Variants in CDH18 observed in about 807,000 individuals in gnomAD.
The protein encoded by CDH18 is cadherin 18, also known as cadherin-18.
A neutral mutation model predicts 67.9 loss-of-function variants in CDH18; 31 were observed. That is an observed-to-expected ratio of 0.46 (90% CI 0.34 to 0.62). CDH18 has a LOEUF of 0.62. Among genes scored for constraint, CDH18 ranks in the 20% least tolerant of loss-of-function variants. The pLI is 0.01. For synonymous variants in CDH18, 362 were observed against 347.2 expected (o/e 1.04, Z -0.48); for missense variants, 890 against 975.5 (o/e 0.91, Z 1.17).
At chr5:20,404,299 T>C (rs1746034888) in intron 1 of CDH18, among the ~76,000 whole-genome samples, 1 of 152,198 alleles carries the variant, frequency 6.6e-6, no homozygotes, top group Admixed American at 6.5e-5. Context: ...CACTTTTTAT[T>C]TTCCTTCAAG....
intron 1 of CDH18, among the ~76,000 whole-genome samples, chr5:20,390,622 C>G (rs1057192186): frequency 6.6e-6 from 1 of 152,100 alleles, no homozygotes; most frequent in Non-Finnish European, 1.5e-5. Context: ...TTTGACCCAG[C>G]CATCCCATTA....
intron 4 of CDH18, among the ~76,000 whole-genome samples, 192 bp from the exon 5 acceptor site, chr5:19,721,658 T>A (rs1766120729): frequency 6.6e-6 from 1 of 152,058 alleles, no homozygotes; most frequent in Admixed American, 6.6e-5. Flanking sequence ...TGAAAGAGAG[T>A]CTAAAATATA....
intron 2 of CDH18, among the ~76,000 whole-genome samples, chr5:19,855,714 T>C (rs893058025): frequency 1.3e-5 from 2 of 152,112 alleles, no homozygotes; most frequent in African/African-American, 4.8e-5. Flanking sequence ...GTAGTAATGG[T>C]TTAATAATTA....
intron 11 of CDH18, among the ~76,000 whole-genome samples, chr5:19,492,053 C>T (rs1741562543): frequency 6.6e-6 from 1 of 151,644 alleles, no homozygotes; most frequent in South Asian, 2.1e-4. Context: ...GTAGATATTC[C>T]TGATAGCAAA....
chr5:19,647,543 A>C (rs1754953034), intron 5 of CDH18, among the ~76,000 whole-genome samples: 1 of 148,906 alleles, frequency 6.7e-6, no homozygotes, highest in Non-Finnish European at 1.5e-5. Context: ...AAAAAAAAAA[A>C]AAAAAAAAAA....
At chr5:20,321,113 C>T (rs2150006785) in intron 1 of CDH18, among the ~76,000 whole-genome samples, 2 of 152,248 alleles carry the variant, frequency 1.3e-5, no homozygotes, top group East Asian at 1.9e-4. Flanking sequence ...GATTTCATAG[C>T]TCTGCAAACT....
intron 1 of CDH18, among the ~76,000 whole-genome samples, chr5:20,567,598 G>A (rs1758585977): frequency 6.6e-6 from 1 of 152,108 alleles, no homozygotes; most frequent in South Asian, 2.1e-4. Context: ...ATAAGGTCAG[G>A]CTGACAAGGG....
At chr5:20,360,864 C>T (rs1419361560) in intron 1 of CDH18, among the ~76,000 whole-genome samples, 1 of 151,972 alleles carries the variant, frequency 6.6e-6, no homozygotes. Flanking sequence ...ATGACACTTG[C>T]AAAGATATGA....
chr5:20,313,955 T>A (rs932692853), intron 1 of CDH18, among the ~76,000 whole-genome samples: 1 of 152,004 alleles, frequency 6.6e-6, no homozygotes, highest in Non-Finnish European at 1.5e-5. Context: ...TGACAGGCAC[T>A]CTGATGTATC....
chr5:19,507,148 G>T (rs1442152052), intron 10 of CDH18, among the ~76,000 whole-genome samples: 1 of 152,148 alleles, frequency 6.6e-6, no homozygotes, highest in Non-Finnish European at 1.5e-5. Context: ...AAAGACACAT[G>T]AAAAAATGCT....
chr5:20,148,551 G>C (rs1380058752), intron 2 of CDH18, among the ~76,000 whole-genome samples: 3 of 152,090 alleles, frequency 2.0e-5, no homozygotes, highest in Admixed American at 6.6e-5. Context: ...ACTGAGATTG[G>C]ATTCTTGTAT....
intron 1 of CDH18, among the ~76,000 whole-genome samples, chr5:20,564,795 T>C (rs1295725574): frequency 1.3e-5 from 2 of 152,170 alleles, no homozygotes; most frequent in Non-Finnish European, 2.9e-5. Flanking sequence ...GGGTCAGAGA[T>C]CTAACAGAAA....
At chr5:19,750,183 A>G (rs1364763805) in intron 3 of CDH18, among the ~76,000 whole-genome samples, 1 of 152,076 alleles carries the variant, frequency 6.6e-6, no homozygotes, top group Non-Finnish European at 1.5e-5. Flanking sequence ...CTAATAGTTT[A>G]TATGATTATG....
Position 20,538,619 on chromosome 5 carries a change from G to T in CDH18, c.-580+36843C>A, listed in dbSNP as rs544271588. ...AGGGCATGCAACTACAACCTGTAGG[G>T]AGTTAATCATGACCATTAATCTCCA... is the stretch of plus-strand genomic sequence containing the variant. On this transcript the variant is annotated intron_variant, in intron 1 of 14. Coordinates refer to the CDH18 transcript ENST00000507958. 2.6e-5 allele frequency among the ~76,000 whole-genome samples: 4 copies of T among 152,174 alleles called. No individual in the cohort carries two copies. The East Asian group carries it at 7.8e-4, about 30-fold the overall frequency.
At chr5:19,621,326 G>T (rs1213750769) in intron 5 of CDH18, among the ~76,000 whole-genome samples, 1 of 150,432 alleles carries the variant, frequency 6.6e-6, no homozygotes, top group African/African-American at 2.5e-5. Context: ...CCAACAGTAT[G>T]GCTCTCCAAC....
intron 2 of CDH18, among the ~76,000 whole-genome samples, chr5:20,137,072 T>C (rs1749792216): frequency 6.6e-6 from 1 of 152,142 alleles, no homozygotes; most frequent in African/African-American, 2.4e-5. Context: ...GGAGTTGCTC[T>C]TCTCAAGGAG....
chr5:19,946,708 T>C (rs1381911079), intron 2 of CDH18, among the ~76,000 whole-genome samples: 1 of 151,972 alleles, frequency 6.6e-6, no homozygotes, highest in Non-Finnish European at 1.5e-5. Context: ...TTTCAGGAAA[T>C]AGAAGGGGAA....
intron 2 of CDH18, among the ~76,000 whole-genome samples, chr5:19,893,354 T>G (rs1788974160): frequency 6.6e-6 from 1 of 152,154 alleles, no homozygotes; most frequent in Non-Finnish European, 1.5e-5. Flanking sequence ...TACACTAGAA[T>G]TAGTACCATA....
intron 2 of CDH18, among the ~76,000 whole-genome samples, chr5:20,189,376 A>G (rs1252934042): frequency 6.6e-6 from 1 of 152,134 alleles, no homozygotes; most frequent in Non-Finnish European, 1.5e-5. Context: ...TCAGGAATCT[A>G]TCATGCATTT....
Sources: gnomAD v4.1 joint callset for allele counts (sites outside exome capture counted in the v4.1 genomes callset) on GRCh38, gnomAD v4.1.1 for gene constraint, MANE v1.5 for transcripts, NCBI Gene and HGNC (gene_info 2026-07-23, HGNC 2026-07-21) for gene names.